The following ERG variants were observed in gnomAD, a reference collection of about 807,000 sequenced individuals.
The protein encoded by ERG is ETS transcription factor ERG.
ERG carries 9 observed loss-of-function variants against 55.3 expected under a neutral mutation model. That is an observed-to-expected ratio of 0.16 (90% CI 0.10 to 0.28). The LOEUF (loss-of-function observed/expected upper bound fraction) is 0.28. ERG is among the 10% of genes least tolerant of loss of function. The probability of loss-of-function intolerance (pLI) is 1.00; values close to 1 mark genes in which losing one functional copy is unlikely to be tolerated. For missense variants in ERG, 434 were observed against 631.6 expected (o/e 0.69, Z 3.35); for synonymous variants, 223 against 237.3 (o/e 0.94, Z 0.55).
At chr21:38,539,316 C>T (rs574228702) in intron 2 of ERG, among the ~76,000 whole-genome samples, 1 of 152,226 alleles carries the variant, frequency 6.6e-6, no homozygotes, top group South Asian at 2.1e-4. Context: ...AAAATATATG[C>T]TGGATTTGGA....
chr21:38,444,776 A>T (rs185603799), intron 2 of ERG, among the ~76,000 whole-genome samples: 2 of 151,200 alleles, frequency 1.3e-5, no homozygotes, highest in Admixed American at 1.3e-4. Flanking sequence ...GACCGCAGAG[A>T]TCAGAGGGTG....
chr21:38,368,591 A>G, the ERG span, among the ~76,000 whole-genome samples: 1 of 152,162 alleles, frequency 6.6e-6, no homozygotes, highest in African/African-American at 2.4e-5. Flanking sequence ...AGGGACATAG[A>G]TCCAAACTGT....
chr21:38,390,781 A>G (rs1241192453), intron 9 of ERG, among the ~76,000 whole-genome samples: 2 of 152,212 alleles, frequency 1.3e-5, no homozygotes, highest in Non-Finnish European at 2.9e-5. Flanking sequence ...CTAGAAAACT[A>G]TTACAGCTTG....
intron 2 of ERG, among the ~76,000 whole-genome samples, chr21:38,541,238 C>T (rs1229936450): frequency 1.3e-5 from 2 of 152,166 alleles, no homozygotes; most frequent in African/African-American, 4.8e-5. Flanking sequence ...TATGTTTCTG[C>T]TTAAGAGGCT....
chr21:38,510,202 C>T (rs2059500649), intron 2 of ERG, among the ~76,000 whole-genome samples: 2 of 152,206 alleles, frequency 1.3e-5, no homozygotes, highest in South Asian at 4.1e-4. Flanking sequence ...TAATTAAACT[C>T]ACATATGGAA....
chr21:38,661,014 AGGAGGCGGAGGAGGAGGAAGAGGAGGAG>A lies in ERG; in HGVS notation c.-150+616_-150+643del, dbSNP rs1250906724. 2.9e-4 allele frequency among the ~76,000 whole-genome samples: 44 copies of A among 151,856 alleles called. No individual in the cohort carries two copies. The South Asian group carries it at 8.9e-3, about 31-fold the overall frequency. On this transcript the variant is annotated intron_variant, in intron 1 of 10. Transcript: ENST00000398910. ...CGGGAGGAAGAGGAGGAGGAAGAGGAGGAGGCGGAGGAGGAGGAAGAGGAGGAGGGAGGCGGAGGAGCAGAGGCTGGGA... is the reference window on the plus strand; with the variant it reads ...CGGGAGGAAGAGGAGGAGGAAGAGGAGGAGGCGGAGGAGCAGAGGCTGGGA...
downstream of ERG, among the ~76,000 whole-genome samples, chr21:38,375,673 C>A (rs1987221519): frequency 6.6e-6 from 1 of 152,180 alleles, no homozygotes; most frequent in Admixed American, 6.5e-5. Context: ...TGTAAACAGA[C>A]CTCAAAACAT....
intron 6 of ERG, chr21:38,395,294 G>A: frequency 4.4e-6 from 1 of 228,890 alleles, no homozygotes. Context: ...AGCCAGGGGT[G>A]ACTTCTTTGG....
intron 2 of ERG, among the ~76,000 whole-genome samples, chr21:38,564,461 A>G (rs559635356): frequency 4.6e-5 from 7 of 152,180 alleles, no homozygotes; most frequent in Non-Finnish European, 1.0e-4. Flanking sequence ...AACAAATATT[A>G]CATAGCTGAG....
chr21:38,569,231 G>A (rs1029875627), intron 2 of ERG, among the ~76,000 whole-genome samples: 2 of 152,210 alleles, frequency 1.3e-5, no homozygotes, highest in Non-Finnish European at 2.9e-5. Context: ...ATGAATAAAC[G>A]AGCCCAAGTC....
intron 1 of ERG, among the ~76,000 whole-genome samples, chr21:38,660,822 TGGGTGCGAGCGCGC>T (rs529092461): frequency 1.3e-5 from 2 of 149,912 alleles, no homozygotes; most frequent in Non-Finnish European, 3.0e-5. Flanking sequence ...CAGGTGCGCG[TGGGTGCGAGCGCGC>T]GGGAGTCTTC....
chr21:38,609,533 C>T lies in ERG; in HGVS notation c.-149-24588G>A, dbSNP rs143518561. 9.2e-5 allele frequency among the ~76,000 whole-genome samples: 14 copies of T among 152,174 alleles called. No homozygotes were observed. The East Asian group carries it at 2.7e-3, about 29-fold the overall frequency. On this transcript the variant is annotated intron_variant, in intron 1 of 10. Transcript: ENST00000398910. ...GAAAATTATGAAAGAACTAAACCAC[C>T]ACAAAAATCAGTACGTGAACTCAAT...
At chr21:38,437,220 C>T (rs141328218) in intron 2 of ERG, among the ~76,000 whole-genome samples, 4 of 152,160 alleles carry the variant, frequency 2.6e-5, no homozygotes, top group East Asian at 1.9e-4. Context: ...CCATCTCCAT[C>T]GAAGCTAACA....
intron 1 of ERG, among the ~76,000 whole-genome samples, chr21:38,582,894 G>A (rs1490754586): frequency 2.0e-5 from 3 of 152,146 alleles, no homozygotes; most frequent in Non-Finnish European, 2.9e-5. Flanking sequence ...TTACAGGCAC[G>A]TGCTACCATG....
upstream of ERG, among the ~76,000 whole-genome samples, chr21:38,502,041 A>T (rs1349374764): frequency 6.6e-6 from 1 of 152,234 alleles, no homozygotes; most frequent in Non-Finnish European, 1.5e-5. Flanking sequence ...GGAGCTAAGA[A>T]CACTCTGAAT....
intron 2 of ERG, among the ~76,000 whole-genome samples, chr21:38,523,924 G>A (rs776325905): frequency 9.9e-5 from 15 of 152,200 alleles, no homozygotes; most frequent in African/African-American, 3.1e-4. Context: ...AGAGAGTTCC[G>A]GGATCCAAAG....
chr21:38,412,210 T>C (rs1989090524), intron 3 of ERG, among the ~76,000 whole-genome samples: 1 of 152,198 alleles, frequency 6.6e-6, no homozygotes, highest in Admixed American at 6.5e-5. Flanking sequence ...ATTTTTACCA[T>C]CTTATTTTGT....
chr21:38,551,157 G>C (rs1051985693), intron 2 of ERG, among the ~76,000 whole-genome samples: 7 of 109,196 alleles, frequency 6.4e-5, no homozygotes, highest in African/African-American at 2.0e-4. Context: ...TAGTCTCTGA[G>C]GTTTTTTTTT....
intron 1 of ERG, among the ~76,000 whole-genome samples, chr21:38,596,890 T>TCA (rs1231268435): frequency 6.7e-6 from 1 of 148,980 alleles, no homozygotes; most frequent in Non-Finnish European, 1.5e-5. Flanking sequence ...GACTCAGACA[T>TCA]CACACCACCC....
Sources: gnomAD v4.1 joint callset for allele counts (sites outside exome capture counted in the v4.1 genomes callset) on GRCh38, gnomAD v4.1.1 for gene constraint, MANE v1.5 for transcripts, NCBI Gene and HGNC (gene_info 2026-07-23, HGNC 2026-07-21) for gene names.